Variants in IQSEC1 observed in about 807,000 individuals in gnomAD.
The protein encoded by IQSEC1 is IQ motif and SEC7 domain-containing protein 1.
Under a neutral mutation model 91.0 loss-of-function variants are expected in IQSEC1, and 31 were observed. The ratio of observed to expected loss-of-function variants is 0.34; its 90% CI spans 0.26 to 0.46. The LOEUF (loss-of-function observed/expected upper bound fraction) is 0.46. IQSEC1 is among the 20% of genes least tolerant of loss of function. The pLI, the probability that IQSEC1 is intolerant of heterozygous loss-of-function variation, is 1.00. For missense variants in IQSEC1, 1,388 were observed against 1,575.6 expected, an observed-to-expected ratio of 0.88 and a Z score of 2.02; for synonymous variants, 699 against 662.6, an observed-to-expected ratio of 1.05 and a Z score of -0.84.
chr3:13,088,241 GA>G (rs1228598351), intron 2 of IQSEC1, among the ~76,000 whole-genome samples: 2 of 152,220 alleles, frequency 1.3e-5, no homozygotes, highest in Non-Finnish European at 2.9e-5. Flanking sequence ...GGTGGCGAAG[GA>G]ACAGATGAAA....
At position 13,274,621 on chromosome 3, in the gene IQSEC1, T is replaced by C. The variant is rs370747001; in HGVS notation, c.272+8090A>G. 2.6e-5 allele frequency among the ~76,000 whole-genome samples: 4 copies of C among 152,026 alleles called. No homozygotes were observed. The East Asian group carries it at 7.7e-4, about 29-fold the overall frequency. ...GCGACCACATGTCCCAAGTGTGTCC[T>C]GCATGAATGAAGACGTGAACAGCAA... On this transcript the variant is annotated intron_variant, in intron 1 of 15. Coordinates refer to the IQSEC1 transcript ENST00000648114.
At chr3:12,904,288 G>A (rs1378873363) in intron 12 of IQSEC1, among the ~76,000 whole-genome samples, 1 of 152,226 alleles carries the variant, frequency 6.6e-6, no homozygotes, top group Admixed American at 6.5e-5. Context: ...CCAGGTGGGA[G>A]TTGGGGTCAG....
intron 13 of IQSEC1, 26 bp downstream of exon 13, chr3:12,902,747 G>A (rs751644814): frequency 1.3e-6 from 2 of 1,496,148 alleles, no homozygotes; most frequent in South Asian, 1.1e-5. Context: ...AGGACAGCCA[G>A]CTGGACAGAG....
intron 13 of IQSEC1, among the ~76,000 whole-genome samples, chr3:12,902,055 C>A (rs151252137): frequency 6.6e-6 from 1 of 152,190 alleles, no homozygotes; most frequent in East Asian, 1.9e-4. Flanking sequence ...GGCTCAGAAA[C>A]CTTGTCCTCT....
chr3:12,928,837 G>T (rs1237377546), intron 3 of IQSEC1, among the ~76,000 whole-genome samples: 1 of 152,132 alleles, frequency 6.6e-6, no homozygotes, highest in Admixed American at 6.5e-5. Flanking sequence ...TGCAGGACAT[G>T]CTTCAGCCAC....
chr3:12,926,451 G>A (rs1697145599), intron 3 of IQSEC1, among the ~76,000 whole-genome samples: 1 of 152,240 alleles, frequency 6.6e-6, no homozygotes, highest in African/African-American at 2.4e-5. Context: ...GGCCAGACTG[G>A]CTCCATGTCC....
rs149771840 is a variant in IQSEC1 at position 12,909,416 on chromosome 3, C to T, written c.2435G>A (p.Arg812Gln). The change falls in exon 11 of 14, where the codon CGG becomes CAG. Residue 812 changes from arginine (R) to glutamine (Q), a missense_variant. Arg to Gln is a conservative substitution (Grantham distance 43). This residue lies in a region of IQSEC1 where 1,059 missense variants were observed against 1,317.8 expected (regional missense o/e 0.80). Coordinates refer to ENST00000613206, the MANE Select transcript of IQSEC1 (RefSeq NM_001134382.3). The surrounding 1 kb of genome is among the most constrained non-coding windows in gnomAD (Gnocchi z 4.9). ...TGCTCCGGGGACAGACGAGGTGAGC[C>T]GGATGCCATTGGGGTAGTCTGCAAA... ...FENQYYPNGI[R>Q]LTSSVPGADI... is the part of the protein sequence containing the mutation. The T allele has an allele frequency of 6.2e-6, 10 of 1,613,886 alleles. No individual in the cohort carries two copies. Among genetic ancestry groups the T allele is most frequent in the East Asian group, 2.2e-5 (1 of 44,878 alleles).
upstream of IQSEC1, among the ~76,000 whole-genome samples, chr3:13,077,664 T>C (rs1461853633): frequency 6.6e-6 from 1 of 152,192 alleles, no homozygotes; most frequent in African/African-American, 2.4e-5. Context: ...CTAACATCTC[T>C]GCCCAGCCCC....
chr3:13,155,110 G>A (rs1478980142), intron 2 of IQSEC1, among the ~76,000 whole-genome samples: 1 of 152,058 alleles, frequency 6.6e-6, no homozygotes, highest in Non-Finnish European at 1.5e-5. Context: ...AATGCTGGCA[G>A]CAAAAGAAAA....
chr3:13,130,404 C>T, intron 2 of IQSEC1, among the ~76,000 whole-genome samples: 1 of 149,082 alleles, frequency 6.7e-6, no homozygotes, highest in Non-Finnish European at 1.5e-5. Flanking sequence ...CCAAATATTT[C>T]TCTTTTAATT....
At chr3:13,164,227 C>G (rs1385862278) in intron 1 of IQSEC1, among the ~76,000 whole-genome samples, 1 of 152,178 alleles carries the variant, frequency 6.6e-6, no homozygotes, top group African/African-American at 2.4e-5. Flanking sequence ...GAGGCCCCAG[C>G]TGCTCCCAGC....
intron 1 of IQSEC1, among the ~76,000 whole-genome samples, chr3:12,975,989 T>C (rs1701149073): frequency 6.6e-6 from 1 of 152,264 alleles, no homozygotes; most frequent in Admixed American, 6.5e-5. Context: ...GGCTCCCTTC[T>C]TGGCTGTATA....
At chr3:13,278,916 G>GA (rs1576321054) in intron 1 of IQSEC1, among the ~76,000 whole-genome samples, 1 of 152,158 alleles carries the variant, frequency 6.6e-6, no homozygotes, top group East Asian at 1.9e-4. Flanking sequence ...CCAGATGGGA[G>GA]AGCTTGGGCA....
chr3:12,916,946 G>A (rs926187715), intron 6 of IQSEC1, among the ~76,000 whole-genome samples: 15 of 152,184 alleles, frequency 9.9e-5, no homozygotes, highest in African/African-American at 3.6e-4. Flanking sequence ...TTGCATGAGC[G>A]GAGCACAACT....
chr3:13,031,608 T>A (rs1684758239), intron 1 of IQSEC1, among the ~76,000 whole-genome samples: 1 of 152,156 alleles, frequency 6.6e-6, no homozygotes, highest in Admixed American at 6.5e-5. Flanking sequence ...GAGAACCTAC[T>A]GTGTGCCAGG....
intron 2 of IQSEC1, among the ~76,000 whole-genome samples, chr3:13,109,142 G>A (rs772750599): frequency 3.3e-5 from 5 of 152,210 alleles, no homozygotes; most frequent in Non-Finnish European, 7.3e-5. Context: ...GTGGTGTACA[G>A]GCATTACCGA....
At chr3:13,183,203 A>AT (rs1693875598) in intron 1 of IQSEC1, among the ~76,000 whole-genome samples, 2 of 151,958 alleles carry the variant, frequency 1.3e-5, no homozygotes, top group African/African-American at 2.4e-5. Context: ...ACAAACAAAC[A>AT]AACAAACATA....
At chr3:13,180,156 C>A (rs1693813388) in intron 1 of IQSEC1, among the ~76,000 whole-genome samples, 1 of 152,252 alleles carries the variant, frequency 6.6e-6, no homozygotes, top group African/African-American at 2.4e-5. Flanking sequence ...TGCGGATCCA[C>A]TGGGTGAAGC....
chr3:13,193,696 T>C lies in IQSEC1; in HGVS notation c.273-29563A>G, dbSNP rs1442348345. 7.9e-5 allele frequency among the ~76,000 whole-genome samples: 12 copies of C among 152,142 alleles called. No individual in the cohort carries two copies. The highest frequency in any genetic ancestry group is 1.5e-5 in the Non-Finnish European group (1 of 68,020). ...GAGGCAGTTGGAGACCAAAGGCTGATGTCAGAGCTTAAGCCTCCCTCCTCC... is the reference window on the plus strand; with the variant it reads ...GAGGCAGTTGGAGACCAAAGGCTGACGTCAGAGCTTAAGCCTCCCTCCTCC... On this transcript the variant is annotated intron_variant, in intron 1 of 15. Coordinates refer to the IQSEC1 transcript ENST00000648114. This position sits in a 1 kb window ranked among gnomAD's most constrained non-coding sequence, Gnocchi z 4.2.
Sources: allele counts gnomAD v4.1 joint callset (sites outside exome capture counted in the v4.1 genomes callset), GRCh38; gene constraint gnomAD v4.1.1; regional missense constraint gnomAD v4.1.1; non-coding constraint Gnocchi (gnomAD v3.1); transcripts MANE v1.5; gene names NCBI Gene and HGNC (gene_info 2026-07-23, HGNC 2026-07-21).